The following KDM4C variants were observed in gnomAD, a reference collection of about 807,000 sequenced individuals.
KDM4C encodes the protein lysine-specific demethylase 4C.
KDM4C carries 81 observed loss-of-function variants against 129.3 expected under a neutral mutation model. The ratio of observed to expected loss-of-function variants is 0.63; its 90% confidence interval spans 0.52 to 0.75. The LOEUF is 0.75. KDM4C is among the 30% of genes least tolerant of loss of function. KDM4C has a pLI of 0.00. For synonymous variants in KDM4C, 573 were observed against 456.1 expected, an observed-to-expected ratio of 1.26 and a Z score of -3.26; for missense variants, 1,457 against 1,304.0, an observed-to-expected ratio of 1.12 and a Z score of -1.81.
chr9:6,983,331 T>C (rs818909), intron 9 of KDM4C, among the ~76,000 whole-genome samples: 64,602 of 151,918 alleles, frequency 0.43, 14,176 homozygotes, highest in African/African-American at 0.51. Context: ...GTTTGTTTCA[T>C]ATGTAAAAAG....
intron 4 of KDM4C, among the ~76,000 whole-genome samples, chr9:6,845,617 C>G (rs1299850226): frequency 6.6e-6 from 1 of 152,198 alleles, no homozygotes; most frequent in East Asian, 1.9e-4. Context: ...CACCTGTGTG[C>G]AAAAATCGTG....
chr9:6,723,821 A>G (rs1393801161), intron 1 of KDM4C: 1 of 152,158 alleles, frequency 6.6e-6, no homozygotes, highest in African/African-American at 2.4e-5. Context: ...AGGCCATACC[A>G]TTGTGGCCCT....
At chr9:6,888,403 A>G (rs542081931) in intron 7 of KDM4C, among the ~76,000 whole-genome samples, 1 of 152,362 alleles carries the variant, frequency 6.6e-6, no homozygotes, top group African/African-American at 2.4e-5. Flanking sequence ...TAAAAATTTC[A>G]GAGCAATTAT....
At chr9:7,147,609 TGTTTGGGG>T (rs937820085) in intron 19 of KDM4C, among the ~76,000 whole-genome samples, 2 of 151,972 alleles carry the variant, frequency 1.3e-5, no homozygotes, top group African/African-American at 4.8e-5. Context: ...TTTTTCCCCG[TGTTTGGGG>T]GTGAGAAGTT....
In KDM4C at chr9:6,908,899, G is replaced by A. The variant is rs575877376; in HGVS notation, c.921+15667G>A. 2.0e-5 allele frequency among the ~76,000 whole-genome samples: 3 copies of A among 152,090 alleles called. No homozygotes were observed. In the East Asian group the frequency reaches 5.8e-4, roughly 29 times the overall value. On this transcript the variant is annotated intron_variant, in intron 8 of 21. Coordinates refer to ENST00000381309, the MANE Select transcript of KDM4C (RefSeq NM_015061.6). ...ATCAAATAATGAGAGTAAACTCCTGGAGTAGTGACTGACACATGGCATGTA... is the reference window on the plus strand; with the variant it reads ...ATCAAATAATGAGAGTAAACTCCTGAAGTAGTGACTGACACATGGCATGTA...
chr9:6,739,010 G>A (rs1817608755), intron 1 of KDM4C, among the ~76,000 whole-genome samples: 2 of 151,988 alleles, frequency 1.3e-5, no homozygotes, highest in South Asian at 4.2e-4. Context: ...CCAAAGTGCT[G>A]GGATTACGGG....
intron 17 of KDM4C, chr9:7,076,609 G>A (rs2132885310): frequency 7.0e-7 from 1 of 1,426,182 alleles, no homozygotes; most frequent in Non-Finnish European, 9.2e-7. Context: ...GGATACAATA[G>A]CCTGAGCTCC....
chr9:6,744,769 T>G (rs560727711), intron 1 of KDM4C, among the ~76,000 whole-genome samples: 43 of 149,508 alleles, frequency 2.9e-4, no homozygotes, highest in Non-Finnish European at 5.0e-4. Context: ...ACTCCAGGAG[T>G]GGTGTGCTCC....
Position 6,758,280 on chromosome 9 carries a change from G to A in KDM4C, c.-18+77G>A. 1.1e-6 allele frequency: 1 copy of A among 882,876 alleles called. No individual in the cohort carries two copies. The highest frequency in any genetic ancestry group is 1.4e-6 in the Non-Finnish European group (1 of 736,604). The allele number at this position is 882,876 out of a possible 1,614,324, so 54.7% of individuals were successfully genotyped here. On this transcript the variant is annotated intron_variant, in intron 1 of 21. Transcript: ENST00000381309. The surrounding 1 kb of genome is among the most constrained non-coding windows in gnomAD (Gnocchi z 4.6). ...GGTCTTCCCGGCACTGCCCCCCTCCGCGTGGGGCACGGGGGTGCGGGCGTC... is the reference window on the plus strand; with the variant it reads ...GGTCTTCCCGGCACTGCCCCCCTCCACGTGGGGCACGGGGGTGCGGGCGTC...
intron 4 of KDM4C, among the ~76,000 whole-genome samples, chr9:6,844,885 A>T (rs1837582614): frequency 1.3e-5 from 2 of 151,984 alleles, no homozygotes; most frequent in South Asian, 4.2e-4. Flanking sequence ...ATGGGGTTTC[A>T]CCATGTTGGT....
At chr9:6,841,335 A>T (rs1285956048) in intron 4 of KDM4C, among the ~76,000 whole-genome samples, 1 of 152,188 alleles carries the variant, frequency 6.6e-6, no homozygotes, top group Non-Finnish European at 1.5e-5. Flanking sequence ...GCTGAGGGTG[A>T]CAGCAGGAAA....
intron 1 of KDM4C, among the ~76,000 whole-genome samples, chr9:6,782,555 G>A (rs201023964): frequency 1.3e-5 from 2 of 152,026 alleles, no homozygotes; most frequent in East Asian, 1.9e-4. Flanking sequence ...TATTCGTAAC[G>A]GCGTACACGT....
intron 1 of KDM4C, among the ~76,000 whole-genome samples, chr9:6,785,321 C>G (rs537551606): frequency 6.6e-6 from 1 of 151,124 alleles, no homozygotes; most frequent in South Asian, 2.1e-4. Flanking sequence ...TTTCCTGTGT[C>G]TGTCTCTTCT....
chr9:7,007,459 A>C (rs1348440712), intron 12 of KDM4C, among the ~76,000 whole-genome samples: 2 of 152,212 alleles, frequency 1.3e-5, no homozygotes, highest in East Asian at 3.8e-4. Context: ...CCTAGGGAGA[A>C]AAGGAGGCCT....
intron 8 of KDM4C, among the ~76,000 whole-genome samples, chr9:6,961,734 A>G (rs930777320): frequency 6.6e-6 from 1 of 152,128 alleles, no homozygotes; most frequent in African/African-American, 2.4e-5. Flanking sequence ...AAAAATAAAA[A>G]CATGGTGACC....
At chr9:7,154,280 G>C (rs1842959823) in intron 19 of KDM4C, among the ~76,000 whole-genome samples, 2 of 152,212 alleles carry the variant, frequency 1.3e-5, no homozygotes, top group Non-Finnish European at 2.9e-5. Context: ...CTCTGGAAAC[G>C]ATAGCAGCTG....
intron 7 of KDM4C, among the ~76,000 whole-genome samples, chr9:6,889,922 C>G (rs987887558): frequency 3.9e-5 from 6 of 152,184 alleles, no homozygotes; most frequent in African/African-American, 1.2e-4. Context: ...AGCTCTCTAC[C>G]AGTACTACAT....
chr9:6,811,464 A>C (rs574729722), intron 3 of KDM4C, among the ~76,000 whole-genome samples: 1 of 152,256 alleles, frequency 6.6e-6, no homozygotes, highest in Non-Finnish European at 1.5e-5. Flanking sequence ...CTGACCTGGC[A>C]TTGGTGCACC....
At chr9:7,058,664 G>T (rs1831209459) in intron 17 of KDM4C, among the ~76,000 whole-genome samples, 1 of 152,144 alleles carries the variant, frequency 6.6e-6, no homozygotes. Flanking sequence ...CACTTAAGAA[G>T]GTCCTTGAAA....
Sources: allele counts gnomAD v4.1 joint callset (sites outside exome capture counted in the v4.1 genomes callset), GRCh38; gene constraint gnomAD v4.1.1; non-coding constraint Gnocchi (gnomAD v3.1); transcripts MANE v1.5; gene names NCBI Gene and HGNC (gene_info 2026-07-23, HGNC 2026-07-21).